Variants in HNRNPM observed in about 807,000 individuals in gnomAD.
The protein encoded by HNRNPM is CEA receptor.
In HNRNPM, 11 loss-of-function variants were observed where a neutral mutation model predicts 73.1. That is an observed-to-expected ratio of 0.15 (90% CI 0.09 to 0.25). The LOEUF (loss-of-function observed/expected upper bound fraction) is 0.25, where lower values mean the gene tolerates loss of function less well. Ranked by LOEUF, HNRNPM falls within the 10% of genes least tolerant of loss-of-function variation. The pLI is 1.00. For synonymous variants in HNRNPM, 407 were observed against 355.2 expected (o/e 1.15, Z -1.64); for missense variants, 789 against 1,067.9 (o/e 0.74, Z 3.64).
chr19:8,486,775 C>T (rs1971341959), intron 14 of HNRNPM, among the ~76,000 whole-genome samples: 1 of 152,256 alleles, frequency 6.6e-6, no homozygotes, highest in South Asian at 2.1e-4. Flanking sequence ...GGGCTGCGCA[C>T]CGCAGGCCTG....
In HNRNPM at chr19:8,456,443, C is replaced by A. The variant is rs181155024; in HGVS notation, c.283+869C>A. Among the ~76,000 whole-genome samples the A allele has an allele frequency of 1.0e-3, 155 of 152,342 alleles. 1 individual carries two copies. Among genetic ancestry groups the A allele is most frequent in the African/African-American group, 3.5e-3 (145 of 41,588 alleles). Reference sequence around the variant, plus strand: ...GGTTAGACAACACCGTGGTAGAGAACAATTTGTATATTGCCTTGAGGCGCC... The same window carrying A: ...GGTTAGACAACACCGTGGTAGAGAAAAATTTGTATATTGCCTTGAGGCGCC... On this transcript the variant is annotated intron_variant, in intron 2 of 15. Transcript: ENST00000325495.
chr19:8,466,147 A>G (rs1319413104), intron 6 of HNRNPM, 88 bp from the exon 7 acceptor site: 3 of 1,314,062 alleles, frequency 2.3e-6, no homozygotes, highest in South Asian at 2.8e-5. Flanking sequence ...CTTTTTTCCA[A>G]CCAAAGCATG....
Position 8,485,769 on chromosome 19 carries a change from G to A in HNRNPM, c.1341G>A (p.Val447=). 1 of 1,603,598 alleles carries A rather than the reference G, an allele frequency of 6.2e-7. No individual in the cohort carries two copies. The part of the protein sequence containing the change: ...MGLVMDRMGS[V]ERMGSGIERM... ...TGGTCATGGACCGCATGGGCTCCGT[G>A]GAGCGCATGGGCTCCGGCATTGAGC... The change falls in exon 14 of 16, where the codon GTG becomes GTA. Residue 447 remains valine (V), a synonymous_variant. Coordinates refer to ENST00000325495, the MANE Select transcript of HNRNPM (RefSeq NM_005968.5).
intron 10 of HNRNPM, among the ~76,000 whole-genome samples, chr19:8,472,534 T>C (rs950141545): frequency 5.3e-5 from 8 of 152,142 alleles, no homozygotes; most frequent in African/African-American, 1.9e-4. Context: ...GAGGAAGTCT[T>C]GGTGTTTTTA....
intron 5 of HNRNPM, 136 bp downstream of exon 5, chr19:8,463,822 T>G: frequency 1.6e-6 from 1 of 638,746 alleles, no homozygotes; most frequent in East Asian, 2.8e-5. Flanking sequence ...ATGAAGAGTG[T>G]CGGTCATAGC....
chr19:8,460,022 C>T (rs1467846446), intron 2 of HNRNPM, among the ~76,000 whole-genome samples: 3 of 151,998 alleles, frequency 2.0e-5, no homozygotes, highest in Admixed American at 1.3e-4. Flanking sequence ...GAGGAGCAAC[C>T]GTATTTTTTA....
chr19:8,486,153 C>T lies in HNRNPM; in HGVS notation c.1725C>T (p.Ser575=), dbSNP rs1971283115. 1.9e-6 allele frequency: 3 copies of T among 1,605,124 alleles called. No homozygotes were observed. The highest frequency in any genetic ancestry group is 1.7e-5 in the Admixed American group (1 of 59,854). The change falls in exon 14 of 16, where the codon AGC becomes AGT. Residue 575 remains serine (S), a synonymous_variant. Coordinates refer to ENST00000325495, the MANE Select transcript of HNRNPM (RefSeq NM_005968.5). Reference sequence around the variant, plus strand: ...GCCTGGAGCGCATGGGCGCCAACAGCCTCGAGCGCATGGGCCTGGAGCGCA... The same window carrying T: ...GCCTGGAGCGCATGGGCGCCAACAGTCTCGAGCGCATGGGCCTGGAGCGCA... The part of the protein sequence containing the change: ...RMGLERMGAN[S]LERMGLERMG...
chr19:8,450,501 C>T (rs944581886), intron 1 of HNRNPM, among the ~76,000 whole-genome samples: 5 of 151,668 alleles, frequency 3.3e-5, no homozygotes, highest in African/African-American at 9.7e-5. Flanking sequence ...ACTCCAGCTC[C>T]TGGGCTCAAG....
At chr19:8,450,286 C>T (rs1041366341) in intron 1 of HNRNPM, among the ~76,000 whole-genome samples, 1 of 152,158 alleles carries the variant, frequency 6.6e-6, no homozygotes, top group African/African-American at 2.4e-5. Context: ...TGCACCCTTT[C>T]CTTGATTAGA....
chr19:8,476,525 G>T (rs1278816779), intron 12 of HNRNPM, among the ~76,000 whole-genome samples: 1 of 151,662 alleles, frequency 6.6e-6, no homozygotes, highest in East Asian at 1.9e-4. Flanking sequence ...GGCCAGGCGC[G>T]GTGGCTCACA....
intron 5 of HNRNPM, 199 bp downstream of exon 5, chr19:8,463,885 GAGTGGCT>G: frequency 1.8e-6 from 1 of 553,074 alleles, no homozygotes. Flanking sequence ...AGCAGATCCT[GAGTGGCT>G]GCTGACCACC....
intron 15 of HNRNPM, 112 bp downstream of exon 15, chr19:8,487,187 C>T: frequency 2.2e-6 from 2 of 889,862 alleles, no homozygotes; most frequent in East Asian, 2.4e-5. Context: ...GGACCCATGG[C>T]CTTGCCATGT....
chr19:8,484,431 C>T (rs1312195746), intron 13 of HNRNPM, among the ~76,000 whole-genome samples: 3 of 152,194 alleles, frequency 2.0e-5, no homozygotes, highest in African/African-American at 7.2e-5. Context: ...CCTTGGCCTC[C>T]CAAAGTACTG....
chr19:8,464,727 A>G (rs1969623169), intron 5 of HNRNPM, among the ~76,000 whole-genome samples: 2 of 152,138 alleles, frequency 1.3e-5, no homozygotes, highest in African/African-American at 4.8e-5. Flanking sequence ...AAGGTCTCTC[A>G]TGTGTTATGA....
chr19:8,471,285 T>C (rs759501725), intron 9 of HNRNPM, 41 bp from the exon 10 acceptor site: 1 of 1,321,014 alleles, frequency 7.6e-7, no homozygotes, highest in Non-Finnish European at 1.0e-6. Context: ...CAAGGTTTGC[T>C]AAATAGGGGA....
rs752541158 is a variant in HNRNPM at position 8,486,261 on chromosome 19, GGGTGGC to G, written c.1844_1849del (p.Gly615_Gly616del). On this transcript the variant is annotated inframe_deletion, in exon 14 of 16. Coordinates refer to ENST00000325495, the MANE Select transcript of HNRNPM (RefSeq NM_005968.5). ...GCATTGAGCGCATGGGCCTGGCCAT[GGGTGGC>G]GGTGGCGGTGCCAGCTTTGACCGTG... is the stretch of plus-strand genomic sequence containing the variant. 1.2e-6 allele frequency: 2 copies of G among 1,602,462 alleles called. No individual in the cohort carries two copies. Among genetic ancestry groups the G allele is most frequent in the African/African-American group, 1.3e-5 (1 of 74,950 alleles).
At chr19:8,466,409 A>G (rs1427461367) in intron 7 of HNRNPM, 21 bp downstream of exon 7, 4 of 1,613,068 alleles carry the variant, frequency 2.5e-6, no homozygotes, top group Non-Finnish European at 3.4e-6. Context: ...GCAGGAATTC[A>G]ACTTATGAAC....
intron 5 of HNRNPM, among the ~76,000 whole-genome samples, chr19:8,465,071 TC>T (rs202005376): frequency 1.3e-5 from 2 of 152,222 alleles, no homozygotes; most frequent in African/African-American, 4.8e-5. Context: ...ACCCTGCTTT[TC>T]TTTTTTACTT....
In HNRNPM at chr19:8,471,361, G is replaced by A. The variant is rs769184557; in HGVS notation, c.931G>A (p.Gly311Arg). ...TGGTATTGGCATGGGGTTAGGACCA[G>A]GAGGGCAACCCATTGATGCCAATCA... ...LGGIGMGLGP[G>R]GQPIDANHLN... Residue 311 changes from glycine to arginine, a missense_variant, in exon 10 of 16, where the codon GGA becomes AGA. Gly to Arg is a moderately radical substitution (Grantham distance 125, BLOSUM62 -2). Coordinates refer to ENST00000325495, the MANE Select transcript of HNRNPM (RefSeq NM_005968.5). 3 of 1,607,190 alleles carry A rather than the reference G, an allele frequency of 1.9e-6. No individual in the cohort carries two copies. Among genetic ancestry groups the A allele is most frequent in the Admixed American group, 1.7e-5 (1 of 59,022 alleles).
Sources: allele counts gnomAD v4.1 joint callset (sites outside exome capture counted in the v4.1 genomes callset), GRCh38; gene constraint gnomAD v4.1.1; transcripts MANE v1.5; gene names NCBI Gene and HGNC (gene_info 2026-07-23, HGNC 2026-07-21).